The following RP1 variants were observed in gnomAD, a reference collection of about 807,000 sequenced individuals.
The protein encoded by RP1 is oxygen-regulated protein 1.
RP1 carries 16 observed loss-of-function variants against 14.8 expected under a neutral mutation model. The observed-to-expected ratio is 1.08, with a 90% CI of 0.73 to 1.65. The LOEUF (loss-of-function observed/expected upper bound fraction) is 1.65. Among genes scored for constraint, RP1 ranks in the 40% most tolerant of loss-of-function variants. The pLI, the probability that RP1 is intolerant of heterozygous loss-of-function variation, is 0.00. For synonymous variants in RP1, 876 were observed against 883.6 expected (o/e 0.99, Z 0.15); for missense variants, 2,631 against 2,535.0 (o/e 1.04, Z -0.81).
intron 1 of RP1, among the ~76,000 whole-genome samples, chr8:54,619,518 G>C (rs1805805226): frequency 6.6e-6 from 1 of 152,176 alleles, no homozygotes; most frequent in Non-Finnish European, 1.5e-5. Context: ...ATGAAAACAA[G>C]GCCAGAACCA....
At chr8:54,715,167 A>G (rs1808372240) in intron 15 of RP1, among the ~76,000 whole-genome samples, 1 of 152,244 alleles carries the variant, frequency 6.6e-6, no homozygotes. Context: ...GTTCTACTGC[A>G]ACAGAGCCAA....
chr8:54,816,631 C>T (rs1033124933), intron 24 of RP1, among the ~76,000 whole-genome samples: 1 of 152,216 alleles, frequency 6.6e-6, no homozygotes, highest in Non-Finnish European at 1.5e-5. Context: ...TGCCCAGACT[C>T]ATGTACTAGT....
At chr8:54,752,930 T>G (rs1012457326) in intron 19 of RP1, among the ~76,000 whole-genome samples, 1 of 152,216 alleles carries the variant, frequency 6.6e-6, no homozygotes, top group East Asian at 1.9e-4. Context: ...TTAATATTAA[T>G]GTATGTATAC....
At chr8:54,714,218 A>T (rs1585629773) in intron 15 of RP1, among the ~76,000 whole-genome samples, 1 of 152,092 alleles carries the variant, frequency 6.6e-6, no homozygotes, top group Non-Finnish European at 1.5e-5. Context: ...GAGCCACCGC[A>T]CCCAGCCTGT....
At chr8:54,614,809 ATAAG>A (rs1265867271), upstream of RP1, among the ~76,000 whole-genome samples, 2 of 152,176 alleles carry the variant, frequency 1.3e-5, no homozygotes, top group African/African-American at 4.8e-5. Flanking sequence ...CCCACCTTTG[ATAAG>A]TGAGTCTAAG....
rs1258423617 is a variant in RP1, at chr8:54,628,619, A to G, written c.4737A>G (p.Leu1579=). Residue 1579 remains leucine, a synonymous_variant, in exon 4 of 4, where the codon TTA becomes TTG. Coordinates refer to ENST00000220676, the MANE Select transcript of RP1 (RefSeq NM_006269.2). ...GTTATTCAGAGTCCTCTCCTGATTT[A>G]AAAAAATGCATCAAAAGTCCAGTGA... ...TGSYSESSPD[L]KKCIKSPVTS... is the part of the protein sequence containing the mutation. 6.2e-7 allele frequency: 1 copy of G among 1,614,008 alleles called. No homozygotes were observed. The highest frequency in any genetic ancestry group is 1.7e-5 in the Admixed American group (1 of 60,002).
intron 3 of RP1, among the ~76,000 whole-genome samples, chr8:54,647,169 A>T (rs1806568290): frequency 6.6e-6 from 1 of 152,142 alleles, no homozygotes; most frequent in African/African-American, 2.4e-5. Flanking sequence ...GTAGCGTAGC[A>T]CTTTGAGGGG....
chr8:54,849,435 A>G (rs925672317), intron 25 of RP1, among the ~76,000 whole-genome samples: 1 of 151,996 alleles, frequency 6.6e-6, no homozygotes, highest in African/African-American at 2.4e-5. Flanking sequence ...CCCTTCCCCA[A>G]CCATGTGACA....
intron 25 of RP1, among the ~76,000 whole-genome samples, chr8:54,841,346 A>G (rs139510746): frequency 1.6e-3 from 244 of 152,350 alleles, no homozygotes; most frequent in African/African-American, 5.4e-3. Context: ...TATTATACTT[A>G]TCTTGGAGTT....
At chr8:54,633,737 CTA>C (rs59614361), downstream of RP1, among the ~76,000 whole-genome samples, 5,762 of 118,584 alleles carry the variant, frequency 0.049, 118 homozygotes, top group Middle Eastern at 0.095. Context: ...CTCTCTCTCT[CTA>C]TATATATATA....
At chr8:54,755,908 C>A in intron 21 of RP1, 2 of 791,246 alleles carry the variant, frequency 2.5e-6, no homozygotes, top group Non-Finnish European at 3.6e-6. Flanking sequence ...CCTGACCTGA[C>A]TTCCTAATGT....
intron 24 of RP1, among the ~76,000 whole-genome samples, chr8:54,792,914 G>T (rs543557440): frequency 1.3e-5 from 2 of 151,804 alleles, no homozygotes; most frequent in East Asian, 3.9e-4. Flanking sequence ...ATTAGTTTTT[G>T]GAAAAGATAA....
chr8:54,648,937 C>T (rs1012373328), intron 3 of RP1: 16 of 1,368,220 alleles, frequency 1.2e-5, no homozygotes, highest in African/African-American at 1.0e-4. Flanking sequence ...CTGAGTCTTC[C>T]ATTTCTATCA....
chr8:54,810,005 T>G (rs1585711682), intron 24 of RP1, among the ~76,000 whole-genome samples: 1 of 152,162 alleles, frequency 6.6e-6, no homozygotes, highest in East Asian at 1.9e-4. Context: ...CAATGAACGC[T>G]TTCACCACTA....
intron 24 of RP1, among the ~76,000 whole-genome samples, chr8:54,790,564 C>A (rs199730236): frequency 7.7e-4 from 104 of 135,592 alleles, no homozygotes; most frequent in South Asian, 9.3e-4. Context: ...CAGTGAACTT[C>A]AAAAAAAAAA....
chr8:54,571,726 G>T (rs1334114293), intron 1 of RP1, among the ~76,000 whole-genome samples: 1 of 152,256 alleles, frequency 6.6e-6, no homozygotes, highest in Non-Finnish European at 1.5e-5. Context: ...GGTATCAGCA[G>T]GGTTGGTTCC....
intron 19 of RP1, among the ~76,000 whole-genome samples, chr8:54,741,711 A>ATATATG (rs1554528869): frequency 1.0e-5 from 1 of 95,706 alleles, no homozygotes; most frequent in African/African-American, 4.5e-5. Context: ...GTGTGTGTAT[A>ATATATG]TATATATATA....
chr8:54,748,282 T>C (rs979108230), intron 19 of RP1, among the ~76,000 whole-genome samples: 1 of 152,242 alleles, frequency 6.6e-6, no homozygotes, highest in Non-Finnish European at 1.5e-5. Flanking sequence ...AAATAGCAAG[T>C]TCTGAAATGC....
Position 54,621,121 on chromosome 8 carries a change from G to T in RP1, c.155G>T (p.Arg52Met). 6.2e-7 allele frequency: 1 copy of T among 1,614,174 alleles called. No individual in the cohort carries two copies. Among genetic ancestry groups the T allele is most frequent in the Non-Finnish European group, 8.5e-7 (1 of 1,180,028 alleles). The change falls in exon 2 of 4, where the codon AGG becomes ATG. Residue 52 changes from arginine to methionine, a missense_variant. By Grantham distance (91) the Arg-to-Met change is moderately conservative (BLOSUM62 -1). Coordinates refer to ENST00000220676, the MANE Select transcript of RP1 (RefSeq NM_006269.2). ...KSGDPQFGGV[R>M]VVVNPRSFKS... ...GGAGACCCCCAATTCGGCGGGGTCA[G>T]GGTGGTGGTCAACCCTCGCTCCTTT...
Sources: gnomAD v4.1 joint callset for allele counts (sites outside exome capture counted in the v4.1 genomes callset) on GRCh38, gnomAD v4.1.1 for gene constraint, MANE v1.5 for transcripts, NCBI Gene and HGNC (gene_info 2026-07-23, HGNC 2026-07-21) for gene names.